Variants in ENTPD1 observed in about 807,000 individuals in gnomAD.
ENTPD1 encodes ectonucleoside triphosphate diphosphohydrolase 1, also known as ATP diphosphohydrolase.
Under a neutral mutation model 57.0 loss-of-function variants are expected in ENTPD1, and 33 were observed. The ratio of observed to expected loss-of-function variants is 0.58; its 90% CI spans 0.44 to 0.77. The LOEUF (loss-of-function observed/expected upper bound fraction) is 0.77. ENTPD1 is among the 30% of genes least tolerant of loss of function. ENTPD1 has a pLI of 0.00. For synonymous variants in ENTPD1, 202 were observed against 218.8 expected, an observed-to-expected ratio of 0.92 and a Z score of 0.68; for missense variants, 501 against 603.4, an observed-to-expected ratio of 0.83 and a Z score of 1.78.
At position 95,871,475 on chromosome 10, in the gene ENTPD1, G is replaced by T; in HGVS notation, c.*5092G>T. ...TCTATGTATTTTTCTTATTTTATACGTTTAGGACAATGTATAGCTAATTAC... is the reference window on the plus strand; with the variant it reads ...TCTATGTATTTTTCTTATTTTATACTTTTAGGACAATGTATAGCTAATTAC... On this transcript the variant is annotated 3_prime_UTR_variant, in exon 10 of 10. Coordinates refer to ENST00000371205, the MANE Select transcript of ENTPD1 (RefSeq NM_001776.6). The T allele has an allele frequency of 3.2e-5, 32 of 985,258 alleles. No homozygotes were observed. Among genetic ancestry groups the T allele is most frequent in the Non-Finnish European group, 3.9e-5 (32 of 829,864 alleles). 61.0% of individuals were successfully genotyped at this position (985,258 alleles called of 1,614,324 possible).
intron 1 of ENTPD1, among the ~76,000 whole-genome samples, chr10:95,803,019 A>G (rs1229966221): frequency 6.6e-6 from 1 of 152,282 alleles, no homozygotes; most frequent in Non-Finnish European, 1.5e-5. Flanking sequence ...CTTTTTGCTT[A>G]GGATTGCCTT....
At chr10:95,774,378 T>A (rs7090320) in intron 1 of ENTPD1, among the ~76,000 whole-genome samples, 8,613 of 152,298 alleles carry the variant, frequency 0.057, 459 homozygotes, top group East Asian at 0.16. Flanking sequence ...CCATTGCTTT[T>A]GGTGTTTTAG....
At chr10:95,694,201 C>A in the ENTPD1 span, 1 of 402,714 alleles carries the variant, frequency 2.5e-6, no homozygotes, top group Admixed American at 4.5e-5. Context: ...AGGAGTTCGG[C>A]GGACCGAGAG....
intron 1 of ENTPD1, among the ~76,000 whole-genome samples, chr10:95,736,677 A>G (rs2097994977): frequency 6.6e-6 from 1 of 152,044 alleles, no homozygotes; most frequent in Non-Finnish European, 1.5e-5. Context: ...TATCCTCCCA[A>G]CAGCCCAGCC....
At chr10:95,742,933 C>G (rs2098002018) in intron 1 of ENTPD1, among the ~76,000 whole-genome samples, 1 of 152,076 alleles carries the variant, frequency 6.6e-6, no homozygotes, top group Admixed American at 6.5e-5. Flanking sequence ...TACTCTCTAC[C>G]CAGTTCCCTG....
At chr10:95,844,788 T>C (rs2140855161) in intron 5 of ENTPD1, 153 bp downstream of exon 5, 1 of 971,088 alleles carries the variant, frequency 1.0e-6, no homozygotes. Context: ...CTCTCACATT[T>C]GTAAGGGTCA....
chr10:95,860,025 C>A (rs2098462663), intron 7 of ENTPD1, among the ~76,000 whole-genome samples: 1 of 152,018 alleles, frequency 6.6e-6, no homozygotes, highest in Non-Finnish European at 1.5e-5. Flanking sequence ...AGTACATATT[C>A]ATTATAGAAA....
At chr10:95,748,928 C>T (rs1313305914) in intron 1 of ENTPD1, among the ~76,000 whole-genome samples, 2 of 151,938 alleles carry the variant, frequency 1.3e-5, no homozygotes, top group African/African-American at 2.4e-5. Context: ...CGTGTTTATC[C>T]GTGCCCTCTT....
rs1358531710 is a variant in ENTPD1 at position 95,867,580 on chromosome 10, T to C, written c.*1197T>C. On this transcript the variant is annotated 3_prime_UTR_variant, in exon 10 of 10. Transcript: ENST00000371205. The stretch of plus-strand genomic sequence containing the variant: ...AATGTGCAGGATCCAAGTCTGAAAG[T>C]GTTGCCACCCGTCACACAACATGGG... 1.0e-6 allele frequency: 1 copy of C among 985,372 alleles called. No individual in the cohort carries two copies. The highest frequency in any genetic ancestry group is 1.7e-5 in the African/African-American group (1 of 57,250). 61.0% of individuals were successfully genotyped at this position (985,372 alleles called of 1,614,324 possible).
intron 1 of ENTPD1, among the ~76,000 whole-genome samples, chr10:95,798,394 A>G (rs1189970591): frequency 6.6e-6 from 1 of 152,220 alleles, no homozygotes; most frequent in East Asian, 1.9e-4. Flanking sequence ...GGCATGGATC[A>G]GCTCTCTGGG....
Position 95,821,996 on chromosome 10 carries a change from C to CTTTT in ENTPD1, c.17-1222_17-1219dup, listed in dbSNP as rs71034351. Reference sequence around the variant, plus strand: ...TACATCTGACCAAAGTAGCTTTTGCCTTTTTTTTTTTTTTTTTTTTTTGAG... The same window carrying CTTTT: ...TACATCTGACCAAAGTAGCTTTTGCCTTTTTTTTTTTTTTTTTTTTTTTTTTGAG... On this transcript the variant is annotated intron_variant, in intron 1 of 9. Coordinates refer to ENST00000371205, the MANE Select transcript of ENTPD1 (RefSeq NM_001776.6). Among the ~76,000 whole-genome samples, 204 of 92,872 alleles carry CTTTT rather than the reference C, an allele frequency of 2.2e-3. 1 individual carries two copies. The highest frequency in any genetic ancestry group is 2.7e-3 in the Non-Finnish European group (135 of 50,048). 60.9% of individuals were successfully genotyped at this position (92,872 alleles called of 152,430 possible).
At chr10:95,788,759 A>G (rs1014455972) in intron 1 of ENTPD1, among the ~76,000 whole-genome samples, 2 of 152,208 alleles carry the variant, frequency 1.3e-5, no homozygotes, top group Admixed American at 6.5e-5. Flanking sequence ...GAACTTTACG[A>G]GGAGGCGAGA....
At chr10:95,701,481 A>G in the ENTPD1 span, among the ~76,000 whole-genome samples, 1 of 152,244 alleles carries the variant, frequency 6.6e-6, no homozygotes, top group South Asian at 2.1e-4. Context: ...TAAATCCACC[A>G]TCAGAGTAAA....
chr10:95,796,686 A>C (rs1294417029), intron 1 of ENTPD1, among the ~76,000 whole-genome samples: 1 of 152,130 alleles, frequency 6.6e-6, no homozygotes, highest in Non-Finnish European at 1.5e-5. Context: ...TTTTAGGATG[A>C]CTATGTTAGC....
intron 7 of ENTPD1, among the ~76,000 whole-genome samples, chr10:95,853,126 C>G (rs1302868909): frequency 2.0e-5 from 3 of 152,170 alleles, no homozygotes; most frequent in Non-Finnish European, 4.4e-5. Flanking sequence ...GTTTGTAGTT[C>G]TCCTTGAAGA....
chr10:95,875,951 C>G lies in ENTPD1; in HGVS notation c.*9568C>G, dbSNP rs373317773. ...TCAAGTTGAGATTTGGGTGGGGACACAGCCAAACCATATCAATGATTTTGT... is the reference window on the plus strand; with the variant it reads ...TCAAGTTGAGATTTGGGTGGGGACAGAGCCAAACCATATCAATGATTTTGT... On this transcript the variant is annotated 3_prime_UTR_variant, in exon 10 of 10. Coordinates refer to ENST00000371205, the MANE Select transcript of ENTPD1 (RefSeq NM_001776.6). 16 of 985,238 alleles carry G rather than the reference C, an allele frequency of 1.6e-5. No individual in the cohort carries two copies. In the African/African-American group the frequency reaches 2.8e-4, roughly 17 times the overall value. The allele number at this position is 985,238 out of a possible 1,614,324, so 61.0% of individuals were successfully genotyped here. A position where few individuals can be genotyped will look rare whatever the true frequency, so the allele number is the denominator to read the frequency against.
the ENTPD1 span, among the ~76,000 whole-genome samples, chr10:95,702,636 A>G: frequency 6.6e-6 from 1 of 152,246 alleles, no homozygotes; most frequent in African/African-American, 2.4e-5. Context: ...ATCAATCTGT[A>G]GATTCCAGCT....
chr10:95,844,222 T>G (rs1441346432), intron 4 of ENTPD1, among the ~76,000 whole-genome samples: 1 of 152,162 alleles, frequency 6.6e-6, no homozygotes, highest in East Asian at 1.9e-4. Context: ...ACAAAAGTGG[T>G]ATTTTAAGGA....
intron 1 of ENTPD1, among the ~76,000 whole-genome samples, chr10:95,749,642 T>C (rs1441066775): frequency 6.6e-6 from 1 of 152,092 alleles, no homozygotes; most frequent in Non-Finnish European, 1.5e-5. Flanking sequence ...GAATGAGCCA[T>C]GTGGATATTC....
Sources: allele counts gnomAD v4.1 joint callset (sites outside exome capture counted in the v4.1 genomes callset), GRCh38; gene constraint gnomAD v4.1.1; transcripts MANE v1.5; gene names NCBI Gene and HGNC (gene_info 2026-07-23, HGNC 2026-07-21).